SAMD12: variants seen among roughly 807,000 people sequenced by gnomAD.
SAMD12 encodes sterile alpha motif domain containing 12.
Under a neutral mutation model 15.0 loss-of-function variants are expected in SAMD12, and 9 were observed. That is an observed-to-expected ratio of 0.60 (90% CI 0.36 to 1.05). SAMD12 has a LOEUF of 1.05. Among genes scored for constraint, SAMD12 ranks in the 50% least tolerant of loss-of-function variants. The pLI is 0.01. For synonymous variants in SAMD12, 86 were observed against 90.1 expected (o/e 0.96, Z 0.25); for missense variants, 230 against 234.2 (o/e 0.98, Z 0.12).
rs920927472 is a variant in SAMD12, at chr8:118,193,566, GATTA to G, written c.*4140_*4143del. Reference sequence around the variant, plus strand: ...CTTCCTGATCTCAGGGCTGCACTGGGATTAATTAATCTTCCAGATGACTGGTCAG... The same window carrying G: ...CTTCCTGATCTCAGGGCTGCACTGGGATTAATCTTCCAGATGACTGGTCAG... On this transcript the variant is annotated 3_prime_UTR_variant, in exon 5 of 5. Transcript: ENST00000409003. 126 of 152,258 alleles carry G rather than the reference GATTA, an allele frequency of 8.3e-4. 1 individual carries two copies. Among genetic ancestry groups the G allele is most frequent in the African/African-American group, 2.9e-3 (121 of 41,522 alleles). 9.4% of individuals were successfully genotyped at this position (152,258 alleles called of 1,614,324 possible). A position where few individuals can be genotyped will look rare whatever the true frequency, so the allele number is the denominator to read the frequency against.
intron 2 of SAMD12, among the ~76,000 whole-genome samples, chr8:118,553,712 C>T (rs1240759391): frequency 1.3e-5 from 2 of 151,520 alleles, no homozygotes; most frequent in African/African-American, 4.9e-5. Context: ...AGCTTCTGCA[C>T]AGCAAAAGAA....
chr8:118,539,829 G>A (rs1825941469), intron 2 of SAMD12, among the ~76,000 whole-genome samples: 1 of 152,250 alleles, frequency 6.6e-6, no homozygotes, highest in East Asian at 1.9e-4. Flanking sequence ...CAGTAGCAGG[G>A]ATGAAAAGGG....
At chr8:118,314,257 G>A (rs1421727322) in intron 4 of SAMD12, among the ~76,000 whole-genome samples, 1 of 152,088 alleles carries the variant, frequency 6.6e-6, no homozygotes, top group Non-Finnish European at 1.5e-5. Flanking sequence ...GAAACCTGAA[G>A]ATATAAAATA....
In SAMD12 at chr8:118,609,202, A is replaced by C. The variant is rs1828049507; in HGVS notation, c.13+12602T>G. Among the ~76,000 whole-genome samples, 3 of 152,252 alleles carry C rather than the reference A, an allele frequency of 2.0e-5. No individual in the cohort carries two copies. In the South Asian group the frequency reaches 6.2e-4, roughly 32 times the overall value. On this transcript the variant is annotated intron_variant, in intron 1 of 3. Coordinates refer to ENST00000314727, the MANE Select transcript of SAMD12 (RefSeq NM_207506.3). ...TGGTCATAGTGTGGTGGGCTACATC[A>C]AGGAACAAAAGTTTGCAAAGAGAAA...
chr8:118,267,916 C>G (rs1196125110), intron 4 of SAMD12, among the ~76,000 whole-genome samples: 1 of 152,006 alleles, frequency 6.6e-6, no homozygotes, highest in Non-Finnish European at 1.5e-5. Context: ...CATGGCAAAA[C>G]CCTGTCTCTA....
At chr8:118,140,581 C>G in the SAMD12 span, among the ~76,000 whole-genome samples, 1 of 152,088 alleles carries the variant, frequency 6.6e-6, no homozygotes, top group East Asian at 1.9e-4. Context: ...CTTTGTCTGT[C>G]TTATGTATTG....
intron 2 of SAMD12, among the ~76,000 whole-genome samples, chr8:118,553,088 T>G (rs1432878136): frequency 6.6e-6 from 1 of 151,688 alleles, no homozygotes; most frequent in African/African-American, 2.4e-5. Flanking sequence ...ATCAATATCG[T>G]GAAAATGGCC....
exon 5 of SAMD12, chr8:118,197,039 G>T (rs1410303038): frequency 6.6e-6 from 1 of 151,906 alleles, no homozygotes; most frequent in Admixed American, 6.6e-5. Flanking sequence ...AAACAACTGG[G>T]GATATGCGAG....
chr8:118,396,476 A>G (rs1185219575), intron 3 of SAMD12, among the ~76,000 whole-genome samples: 1 of 152,184 alleles, frequency 6.6e-6, no homozygotes, highest in Non-Finnish European at 1.5e-5. Context: ...CTCTCTATGA[A>G]GAAAGCATGG....
chr8:118,332,923 G>A (rs2130506367), intron 4 of SAMD12, among the ~76,000 whole-genome samples: 1 of 152,262 alleles, frequency 6.6e-6, no homozygotes, highest in South Asian at 2.1e-4. Context: ...GAAGTTAGGG[G>A]CCCTTCTAGT....
At chr8:118,440,104 G>A (rs1822695962) in intron 2 of SAMD12, 143 bp from the exon 3 acceptor site, 1 of 751,682 alleles carries the variant, frequency 1.3e-6, no homozygotes, top group Admixed American at 2.9e-5. Flanking sequence ...CCTAACCTCT[G>A]TAGACCTTCT....
chr8:118,403,708 C>T (rs569953835), intron 3 of SAMD12, among the ~76,000 whole-genome samples: 5 of 152,022 alleles, frequency 3.3e-5, no homozygotes, highest in Admixed American at 6.5e-5. Flanking sequence ...CTTACAGGGT[C>T]AACTTTAAAG....
chr8:118,383,650 C>T (rs997090194), intron 3 of SAMD12, among the ~76,000 whole-genome samples: 1 of 152,088 alleles, frequency 6.6e-6, no homozygotes, highest in African/African-American at 2.4e-5. Context: ...CAAGAAGCAC[C>T]AACTGAATTG....
At position 118,379,491 on chromosome 8, in the gene SAMD12, G is replaced by C. The variant is rs1819551488; in HGVS notation, c.532C>G (p.Gln178Glu). The C allele has an allele frequency of 1.2e-6, 2 of 1,613,832 alleles. No individual in the cohort carries two copies. The highest frequency in any genetic ancestry group is 1.7e-6 in the Non-Finnish European group (2 of 1,179,834). Residue 178 changes from glutamine (Q) to glutamate (E), a missense_variant, in exon 4 of 4, where the codon CAG becomes GAG. Coordinates refer to ENST00000314727, the MANE Select transcript of SAMD12 (RefSeq NM_207506.3). ...IRRKTTLLLG[Q>E]TGVRENLLLF... ...AACAAATTCTCCCTGACTCCTGTCT[G>C]TCCTAATAGTAAGGTGGTCTTTCTT...
chr8:118,572,101 T>C (rs929141293), intron 2 of SAMD12, among the ~76,000 whole-genome samples: 2 of 152,202 alleles, frequency 1.3e-5, no homozygotes, highest in African/African-American at 4.8e-5. Flanking sequence ...CAGCGTGACC[T>C]GGATGTGAGA....
chr8:118,534,258 T>C (rs1451188525), intron 2 of SAMD12, among the ~76,000 whole-genome samples: 3 of 152,292 alleles, frequency 2.0e-5, no homozygotes, highest in African/African-American at 7.2e-5. Flanking sequence ...TTTAAGAATG[T>C]TGAATATTGG....
chr8:118,214,669 A>G (rs921080205), intron 4 of SAMD12, among the ~76,000 whole-genome samples: 2 of 152,252 alleles, frequency 1.3e-5, no homozygotes, highest in Admixed American at 1.3e-4. Context: ...GGAAATCAGA[A>G]GGTAGGGGAA....
At chr8:118,507,247 T>G (rs966450351) in intron 2 of SAMD12, among the ~76,000 whole-genome samples, 1 of 152,094 alleles carries the variant, frequency 6.6e-6, no homozygotes, top group Non-Finnish European at 1.5e-5. Flanking sequence ...ATTACTCATT[T>G]TATTCAAAGC....
intron 4 of SAMD12, among the ~76,000 whole-genome samples, chr8:118,298,007 C>T (rs1470505665): frequency 6.6e-6 from 1 of 152,186 alleles, no homozygotes; most frequent in Non-Finnish European, 1.5e-5. Context: ...GTTCTTTCAG[C>T]TCCCTGCTTT....
Sources: allele counts gnomAD v4.1 joint callset (sites outside exome capture counted in the v4.1 genomes callset), GRCh38; gene constraint gnomAD v4.1.1; transcripts MANE v1.5; gene names NCBI Gene and HGNC (gene_info 2026-07-23, HGNC 2026-07-21).